The following VRK2 variants were observed in gnomAD, a reference collection of about 807,000 sequenced individuals.
The protein encoded by VRK2 is VRK serine/threonine kinase 2, also known as serine/threonine-protein kinase VRK2.
A neutral mutation model predicts 57.6 loss-of-function variants in VRK2; 60 were observed. That is an observed-to-expected ratio of 1.04 (90% CI 0.85 to 1.29). The LOEUF (loss-of-function observed/expected upper bound fraction) is 1.29, where lower values mean the gene tolerates loss of function less well. Ranked by LOEUF, VRK2 falls within the 50% of genes most tolerant of loss-of-function variation. VRK2 has a pLI of 0.00. For synonymous variants in VRK2, 231 were observed against 199.2 expected (o/e 1.16, Z -1.35); for missense variants, 705 against 588.1 (o/e 1.20, Z -2.06).
At chr2:57,953,757 G>A (rs1356491943) in intron 1 of VRK2, among the ~76,000 whole-genome samples, 3 of 151,802 alleles carry the variant, frequency 2.0e-5, no homozygotes, top group African/African-American at 7.3e-5. Flanking sequence ...TGCCCAGAAT[G>A]AAGAGAGGGA....
chr2:57,961,242 C>A (rs532645424), intron 1 of VRK2, among the ~76,000 whole-genome samples: 11 of 152,126 alleles, frequency 7.2e-5, no homozygotes, highest in Admixed American at 7.2e-4. Flanking sequence ...TGAAGAAAAT[C>A]GGAAAGAGAA....
chr2:57,914,460 G>A (rs1416505469), intron 1 of VRK2, among the ~76,000 whole-genome samples: 3 of 151,864 alleles, frequency 2.0e-5, no homozygotes, highest in East Asian at 1.9e-4. Context: ...CTACATCAGG[G>A]CTTAGGTAAG....
chr2:58,127,572 A>G lies in VRK2; in HGVS notation c.677-4236A>G, dbSNP rs116494222. ...TCACCATAAAATATTCTGGATCTTT[A>G]TACATCAGAATTGACAAAATACTGA... On this transcript the variant is annotated intron_variant, in intron 8 of 12. Coordinates refer to ENST00000340157, the MANE Select transcript of VRK2 (RefSeq NM_006296.7). 4.2e-3 allele frequency among the ~76,000 whole-genome samples: 641 copies of G among 152,314 alleles called. 7 individuals carry two copies. The highest frequency in any genetic ancestry group is 0.015 in the African/African-American group (610 of 41,592).
chr2:58,039,568 C>T lies in VRK2; in HGVS notation c.-6+6015C>T, dbSNP rs540238336. ...CTCCTTGTCTTTCCCCAACTCATTACCCCAATAAGCATATTAAAGACTCAG... is the reference window on the plus strand; with the variant it reads ...CTCCTTGTCTTTCCCCAACTCATTATCCCAATAAGCATATTAAAGACTCAG... On this transcript the variant is annotated intron_variant, in intron 3 of 15. Coordinates refer to the VRK2 transcript ENST00000417641. Among the ~76,000 whole-genome samples the T allele has an allele frequency of 2.0e-5, 3 of 152,152 alleles. No homozygotes were observed. The South Asian group carries it at 6.2e-4, about 32-fold the overall frequency.
intron 8 of VRK2, among the ~76,000 whole-genome samples, chr2:58,129,534 G>T (rs1466200292): frequency 6.6e-6 from 1 of 152,090 alleles, no homozygotes; most frequent in Non-Finnish European, 1.5e-5. Context: ...AATTTTTATA[G>T]TTAGACATTA....
chr2:58,147,170 C>T (rs1376544849), intron 12 of VRK2: 3 of 518,082 alleles, frequency 5.8e-6, no homozygotes, highest in South Asian at 4.2e-5. Flanking sequence ...TATCAGGCAG[C>T]TGGGATATTA....
intron 1 of VRK2, among the ~76,000 whole-genome samples, chr2:58,004,785 A>G (rs1249442268): frequency 1.3e-5 from 2 of 152,186 alleles, no homozygotes. Context: ...AAAACAGGCA[A>G]ATAGGATAAA....
intron 1 of VRK2, among the ~76,000 whole-genome samples, chr2:57,997,768 G>A (rs927811444): frequency 2.0e-5 from 3 of 151,946 alleles, no homozygotes; most frequent in African/African-American, 7.2e-5. Context: ...GGTGGGGTGC[G>A]CCTGTGGTCC....
chr2:57,928,176 G>C (rs1670603259), intron 1 of VRK2, among the ~76,000 whole-genome samples: 1 of 151,872 alleles, frequency 6.6e-6, no homozygotes. Flanking sequence ...CCCTTCTGAG[G>C]CTATCTGGCA....
rs1672049714 is a variant in VRK2, at chr2:57,970,156, TATA to T, written c.-438-55506_-438-55504del. Among the ~76,000 whole-genome samples, 3 of 148,582 alleles carry T rather than the reference TATA, an allele frequency of 2.0e-5. No individual in the cohort carries two copies. The South Asian group carries it at 6.3e-4, about 31-fold the overall frequency. On this transcript the variant is annotated intron_variant, in intron 1 of 15. Coordinates refer to the VRK2 transcript ENST00000417641. ...TAATGTAATATTTATGATGTAAACA[TATA>T]ATCATATATTTTAAATCATAAATAA... is the stretch of plus-strand genomic sequence containing the variant.
At chr2:57,997,851 A>C (rs1672972638) in intron 1 of VRK2, among the ~76,000 whole-genome samples, 1 of 151,980 alleles carries the variant, frequency 6.6e-6, no homozygotes, top group Non-Finnish European at 1.5e-5. Context: ...GTGAACCAAG[A>C]CCGCACTACT....
At chr2:58,032,426 C>G (rs1674144227) in intron 2 of VRK2, among the ~76,000 whole-genome samples, 1 of 152,026 alleles carries the variant, frequency 6.6e-6, no homozygotes, top group Non-Finnish European at 1.5e-5. Context: ...ATGTGTCCTT[C>G]CGTGGCAGAA....
At chr2:57,967,741 T>C (rs1286461258) in intron 1 of VRK2, among the ~76,000 whole-genome samples, 2 of 150,602 alleles carry the variant, frequency 1.3e-5, no homozygotes, top group East Asian at 3.8e-4. Context: ...ATGATTTGTA[T>C]AGTTATTTTC....
chr2:58,091,036 T>A (rs1023297761), intron 7 of VRK2, among the ~76,000 whole-genome samples: 18 of 152,222 alleles, frequency 1.2e-4, no homozygotes, highest in African/African-American at 4.1e-4. Flanking sequence ...ATCAATTTTT[T>A]ACTATCTCCA....
intron 7 of VRK2, 100 bp from the exon 8 acceptor site, chr2:58,123,001 T>G: frequency 7.0e-7 from 1 of 1,427,780 alleles, no homozygotes; most frequent in Non-Finnish European, 9.2e-7. Context: ...AATGTAGATC[T>G]GAGGCTGTTC....
intron 2 of VRK2, among the ~76,000 whole-genome samples, chr2:58,057,674 G>A (rs1006952706): frequency 1.3e-5 from 2 of 152,080 alleles, no homozygotes; most frequent in Non-Finnish European, 2.9e-5. Flanking sequence ...TAAGCACAAC[G>A]TTAACAGAAA....
At chr2:58,134,597 G>A (rs1011112205) in intron 9 of VRK2, among the ~76,000 whole-genome samples, 22 of 131,156 alleles carry the variant, frequency 1.7e-4, no homozygotes, top group African/African-American at 7.1e-4. Context: ...CGGCCTGGGC[G>A]ACAGAGCGAG....
intron 1 of VRK2, among the ~76,000 whole-genome samples, chr2:57,944,840 T>C (rs781647968): frequency 2.7e-5 from 4 of 149,392 alleles, no homozygotes; most frequent in Non-Finnish European, 4.5e-5. Context: ...TTCAAGAAGA[T>C]GAAGAAAGAG....
At chr2:57,990,351 G>T (rs1455364107) in intron 1 of VRK2, among the ~76,000 whole-genome samples, 1 of 152,208 alleles carries the variant, frequency 6.6e-6, no homozygotes, top group African/African-American at 2.4e-5. Context: ...CTACAAAAGA[G>T]ATCACTGGAC....
Sources: gnomAD v4.1 joint callset for allele counts (sites outside exome capture counted in the v4.1 genomes callset) on GRCh38, gnomAD v4.1.1 for gene constraint, MANE v1.5 for transcripts, NCBI Gene and HGNC (gene_info 2026-07-23, HGNC 2026-07-21) for gene names.